Variants in ZC3H12D observed in about 807,000 individuals in gnomAD.
ZC3H12D encodes zinc finger CCCH-type containing 12D.
ZC3H12D carries 11 observed loss-of-function variants against 24.2 expected under a neutral mutation model. The ratio of observed to expected loss-of-function variants is 0.46; its 90% CI spans 0.29 to 0.75. The LOEUF is 0.75. ZC3H12D is among the 30% of genes least tolerant of loss of function. The pLI is 0.11. For synonymous variants in ZC3H12D, 333 were observed against 341.8 expected (o/e 0.97, Z 0.28); for missense variants, 740 against 767.7 (o/e 0.96, Z 0.43).
intron 2 of ZC3H12D, among the ~76,000 whole-genome samples, chr6:149,465,768 G>C (rs375595326): frequency 0.016 from 2,192 of 137,760 alleles, 57 homozygotes; most frequent in African/African-American, 0.063. Flanking sequence ...AAAAAAAAAG[G>C]GGGGGGGAAG....
chr6:149,451,444 A>G lies in ZC3H12D; in HGVS notation c.823T>C (p.Tyr275His). ...GCGTGGTGCGGCCTCTCCGGGTGGT[A>G]GAACTTGCACTTGATGCCATAGGTG... Reference protein sequence around the residue: ...KCTYGIKCKFYHPERPHHAQL... With the variant: ...KCTYGIKCKFHHPERPHHAQL... Residue 275 changes from tyrosine to histidine, a missense_variant, in exon 6 of 6, where the codon TAC becomes CAC. Transcript: ENST00000409806. 7.6e-6 allele frequency: 12 copies of G among 1,575,268 alleles called. No homozygotes were observed. The highest frequency in any genetic ancestry group is 1.0e-5 in the Non-Finnish European group (12 of 1,170,294).
intron 3 of ZC3H12D, among the ~76,000 whole-genome samples, chr6:149,457,449 C>A (rs1248908574): frequency 6.6e-6 from 1 of 152,214 alleles, no homozygotes; most frequent in East Asian, 1.9e-4. Context: ...CTGACAGATA[C>A]AGGGACTCAA....
intron 1 of ZC3H12D, 110 bp from the exon 2 acceptor site, chr6:149,474,723 G>A (rs565076935): frequency 6.8e-5 from 33 of 485,158 alleles, no homozygotes; most frequent in African/African-American, 6.2e-4. Context: ...AAATCAGGTG[G>A]AGCCCAGTCC....
intron 2 of ZC3H12D, among the ~76,000 whole-genome samples, chr6:149,473,013 C>T (rs1006725247): frequency 3.9e-5 from 6 of 152,010 alleles, no homozygotes; most frequent in African/African-American, 9.7e-5. Flanking sequence ...GGTGCCTATA[C>T]ATGACATGGG....
intron 1 of ZC3H12D, among the ~76,000 whole-genome samples, chr6:149,478,016 A>C (rs985025747): frequency 6.6e-6 from 1 of 151,934 alleles, no homozygotes; most frequent in African/African-American, 2.4e-5. Flanking sequence ...AAAATATGAA[A>C]ATTAGCTGGG....
chr6:149,459,178 T>C (rs1776034212), intron 3 of ZC3H12D, among the ~76,000 whole-genome samples: 1 of 152,210 alleles, frequency 6.6e-6, no homozygotes. Flanking sequence ...TATTTAAAAA[T>C]TCCTTCCCTA....
intron 2 of ZC3H12D, 140 bp from the exon 3 acceptor site, chr6:149,462,110 A>G (rs1345123958): frequency 7.4e-6 from 8 of 1,077,794 alleles, no homozygotes; most frequent in Non-Finnish European, 1.0e-5. Flanking sequence ...GTGGTGGCTC[A>G]TGCCTGTAAT....
chr6:149,458,124 G>GTTTTTTTTTTTTTTTTTTTTTTTTT (rs1562472740), intron 3 of ZC3H12D, among the ~76,000 whole-genome samples: 2 of 37,604 alleles, frequency 5.3e-5, no homozygotes, highest in East Asian at 6.3e-4. Flanking sequence ...TTTTTTTTTC[G>GTTTTTTTTTTTTTTTTTTTTTTTTT]TTTCTTTTTT....
In ZC3H12D at chr6:149,474,619, G is replaced by A; in HGVS notation, c.-70-6C>T. On this transcript the variant is annotated splice_region_variant and splice_polypyrimidine_tract_variant and intron_variant, in intron 1 of 5. Coordinates refer to ENST00000409806, the MANE Select transcript of ZC3H12D (RefSeq NM_207360.3). ...CAGAGCCCTGCAGACATGAGCTAAA[G>A]AGAAAAAAAATGCATCCATCAGGTG... 7.6e-7 allele frequency: 1 copy of A among 1,317,728 alleles called. No homozygotes were observed. The highest frequency in any genetic ancestry group is 9.9e-7 in the Non-Finnish European group (1 of 1,011,362). 81.6% of individuals were successfully genotyped at this position (1,317,728 alleles called of 1,614,324 possible).
Position 149,471,815 on chromosome 6 carries a change from G to T in ZC3H12D, c.305+2424C>A, listed in dbSNP as rs367595532. Among the ~76,000 whole-genome samples the T allele has an allele frequency of 1.2e-3, 176 of 152,306 alleles. 7 individuals are homozygous for T. The South Asian group carries it at 0.032, about 28-fold the overall frequency. ...CACTGAAGAACATTCCTGCCAACAGGAGCCACACTTCTCATCCGCTCAAGG... is the reference window on the plus strand; with the variant it reads ...CACTGAAGAACATTCCTGCCAACAGTAGCCACACTTCTCATCCGCTCAAGG... On this transcript the variant is annotated intron_variant, in intron 2 of 5. Transcript: ENST00000409806.
chr6:149,467,609 G>A (rs1163663912), intron 2 of ZC3H12D, among the ~76,000 whole-genome samples: 2 of 152,098 alleles, frequency 1.3e-5, no homozygotes, highest in East Asian at 3.9e-4. Flanking sequence ...CACTTTGCAC[G>A]TTTTGCCTCA....
Position 149,452,409 on chromosome 6 carries a change from C to T in ZC3H12D, c.787+207G>A, listed in dbSNP as rs965220416. 4 of 487,232 alleles carry T rather than the reference C, an allele frequency of 8.2e-6. No homozygotes were observed. The highest frequency in any genetic ancestry group is 7.5e-5 in the Admixed American group (2 of 26,556). The allele number at this position is 487,232 out of a possible 1,614,324, so 30.2% of individuals were successfully genotyped here. A position where few individuals can be genotyped will look rare whatever the true frequency, so the allele number is the denominator to read the frequency against. Reference sequence around the variant, plus strand: ...CTGCATCCGACCCTGGCATGGGATCCTGGCTCCCATGAAATCACCGGCCAG... The same window carrying T: ...CTGCATCCGACCCTGGCATGGGATCTTGGCTCCCATGAAATCACCGGCCAG... On this transcript the variant is annotated intron_variant, in intron 5 of 5. Coordinates refer to ENST00000409806, the MANE Select transcript of ZC3H12D (RefSeq NM_207360.3). The surrounding 1 kb of genome is among the most constrained non-coding windows in gnomAD (Gnocchi z 4.0).
intron 1 of ZC3H12D, among the ~76,000 whole-genome samples, chr6:149,475,311 C>G (rs983657801): frequency 6.6e-6 from 1 of 152,234 alleles, no homozygotes; most frequent in African/African-American, 2.4e-5. Context: ...GGCCAAATGC[C>G]CCCGGGCGAA....
chr6:149,451,174 G>C lies in ZC3H12D; in HGVS notation c.1093C>G (p.Pro365Ala), dbSNP rs1458581220. 1 of 1,315,768 alleles carries C rather than the reference G, an allele frequency of 7.6e-7. No homozygotes were observed. Among genetic ancestry groups the C allele is most frequent in the Non-Finnish European group, 9.6e-7 (1 of 1,038,482 alleles). The allele number at this position is 1,315,768 out of a possible 1,614,324, so 81.5% of individuals were successfully genotyped here. A position where few individuals can be genotyped will look rare whatever the true frequency, so the allele number is the denominator to read the frequency against. Residue 365 changes from proline (P) to alanine (A), a missense_variant, in exon 6 of 6, where the codon CCC (proline) becomes GCC (alanine). Coordinates refer to ENST00000409806, the MANE Select transcript of ZC3H12D (RefSeq NM_207360.3). The stretch of plus-strand genomic sequence containing the variant: ...AGTCGGGGCGTGAGGCTGCAGGCGG[G>C]GACCGGGAGAGGCGGCCCCAGGGGC... ...LGPLGPPLPV[P>A]ACSLTPRLGG... is the part of the protein sequence containing the mutation.
intron 3 of ZC3H12D, among the ~76,000 whole-genome samples, chr6:149,460,836 A>AG (rs1338460866): frequency 8.1e-5 from 12 of 148,486 alleles, no homozygotes; most frequent in African/African-American, 2.3e-4. Context: ...ATGTCAAAAA[A>AG]AAAAAAGAAA....
intron 2 of ZC3H12D, among the ~76,000 whole-genome samples, chr6:149,464,192 A>C (rs1002135168): frequency 6.6e-6 from 1 of 152,178 alleles, no homozygotes; most frequent in African/African-American, 2.4e-5. Context: ...GGGACTCAGG[A>C]GGGACGGATC....
In ZC3H12D at chr6:149,474,322, C is replaced by G. The variant is rs780127502; in HGVS notation, c.222G>C (p.Pro74=). The change falls in exon 2 of 6, where the codon CCG becomes CCC. Residue 74 remains proline (P), a synonymous_variant. Coordinates refer to ENST00000409806, the MANE Select transcript of ZC3H12D (RefSeq NM_207360.3). ...TGAAGTCCTCTTCCAGGGCTGTCCC[C>G]GGGCCACGCTGGGCAGAGTCCGGGA... ...CGVPDSAQRG[P]GTALEEDFRT... is the part of the protein sequence containing the mutation. 1.1e-5 allele frequency: 18 copies of G among 1,593,334 alleles called. No homozygotes were observed. Among genetic ancestry groups the G allele is most frequent in the Admixed American group, 8.6e-5 (5 of 58,290 alleles).
At position 149,452,667 on chromosome 6, in the gene ZC3H12D, G is replaced by C; in HGVS notation, c.736C>G (p.Leu246Val). Reference protein sequence around the residue: ...GRHGPSLSNFLSRKPKPPEPS... With the variant: ...GRHGPSLSNFVSRKPKPPEPS... ...TCTGGGGGCTTCGGCTTCCTGCTCA[G>C]GAAGTTGCTCAGGGAGGGTCCATGG... The change falls in exon 5 of 6, where the codon CTG becomes GTG. Residue 246 changes from leucine (L) to valine (V), a missense_variant. By Grantham distance (32) the Leu-to-Val change is conservative (BLOSUM62 1). Coordinates refer to ENST00000409806, the MANE Select transcript of ZC3H12D (RefSeq NM_207360.3). The surrounding 1 kb of genome is among the most constrained non-coding windows in gnomAD (Gnocchi z 4.0). 1 of 1,608,756 alleles carries C rather than the reference G, an allele frequency of 6.2e-7. No homozygotes were observed. Among genetic ancestry groups the C allele is most frequent in the Non-Finnish European group, 8.5e-7 (1 of 1,178,114 alleles).
At chr6:149,467,889 C>G (rs1246731712) in intron 2 of ZC3H12D, among the ~76,000 whole-genome samples, 2 of 152,148 alleles carry the variant, frequency 1.3e-5, no homozygotes, top group Non-Finnish European at 1.5e-5. Flanking sequence ...CACCTCATGC[C>G]CTTATTAACC....
Sources: allele counts gnomAD v4.1 joint callset (sites outside exome capture counted in the v4.1 genomes callset), GRCh38; gene constraint gnomAD v4.1.1; non-coding constraint Gnocchi (gnomAD v3.1); transcripts MANE v1.5; gene names NCBI Gene and HGNC (gene_info 2026-07-23, HGNC 2026-07-21).